The following STARD10 variants were observed in gnomAD, a reference collection of about 807,000 sequenced individuals.
STARD10 encodes the protein StAR related lipid transfer domain containing 10, also known as START domain-containing protein 10.
STARD10 carries 24 observed loss-of-function variants against 36.0 expected under a neutral mutation model. The ratio of observed to expected loss-of-function variants is 0.67; its 90% CI spans 0.48 to 0.94. The LOEUF is 0.94. Among genes scored for constraint, STARD10 ranks in the 40% least tolerant of loss-of-function variants. The pLI is 0.00. For synonymous variants in STARD10, 156 were observed against 161.9 expected (o/e 0.96, Z 0.28); for missense variants, 335 against 396.6 (o/e 0.84, Z 1.32).
chr11:72,758,195 C>T (rs1858670440), intron 4 of STARD10, among the ~76,000 whole-genome samples: 1 of 152,348 alleles, frequency 6.6e-6, no homozygotes, highest in South Asian at 2.1e-4. Flanking sequence ...CCTGCCTGTC[C>T]TTGCCCAGGG....
intron 2 of STARD10, among the ~76,000 whole-genome samples, chr11:72,774,588 C>CACGT (rs886261084): frequency 6.6e-6 from 1 of 152,258 alleles, no homozygotes; most frequent in African/African-American, 2.4e-5. Context: ...TCAAGCCCAA[C>CACGT]ACGTAGTCTG....
intron 2 of STARD10, among the ~76,000 whole-genome samples, chr11:72,761,325 C>T (rs1858713772): frequency 6.6e-6 from 1 of 152,170 alleles, no homozygotes; most frequent in South Asian, 2.1e-4. Context: ...AAGTGTGTCT[C>T]TGCATTGCAA....
intron 2 of STARD10, chr11:72,780,376 G>A (rs1292092317): frequency 2.3e-6 from 1 of 439,088 alleles, no homozygotes; most frequent in South Asian, 1.6e-5. Flanking sequence ...CTGTAGCCTG[G>A]CTCTGTGCAA....
At chr11:72,767,565 T>C (rs1858808908) in intron 2 of STARD10, among the ~76,000 whole-genome samples, 1 of 152,204 alleles carries the variant, frequency 6.6e-6, no homozygotes, top group South Asian at 2.1e-4. Flanking sequence ...CCCTGGCAAC[T>C]GGAGGCTGCC....
At chr11:72,777,681 G>A (rs1314615088) in intron 2 of STARD10, among the ~76,000 whole-genome samples, 1 of 152,248 alleles carries the variant, frequency 6.6e-6, no homozygotes, top group East Asian at 1.9e-4. Flanking sequence ...TGGAGGCCAG[G>A]AGGGAGGGAA....
At chr11:72,762,006 AC>A (rs1263888373) in intron 2 of STARD10, among the ~76,000 whole-genome samples, 1 of 139,858 alleles carries the variant, frequency 7.2e-6, no homozygotes, top group African/African-American at 2.7e-5. Context: ...GCTCACCGCA[AC>A]CTACGCCTCC....
In STARD10 at chr11:72,780,974, CCTTGAT is replaced by C; in HGVS notation, c.202_207del (p.Ile68_Lys69del). 1 of 1,614,152 alleles carries C rather than the reference CCTTGAT, an allele frequency of 6.2e-7. No individual in the cohort carries two copies. The highest frequency in any genetic ancestry group is 8.5e-7 in the Non-Finnish European group (1 of 1,179,998). On this transcript the variant is annotated inframe_deletion and splice_region_variant, in exon 2 of 7. Coordinates refer to ENST00000334805, the MANE Select transcript of STARD10 (RefSeq NM_006645.3). ...GCTGCAGGTATAGCGGGCAACCCTACCTTGATCTTGTGCAGCGTCCGATCCATCTCC... is the reference window on the plus strand; with the variant it reads ...GCTGCAGGTATAGCGGGCAACCCTACCTTGTGCAGCGTCCGATCCATCTCC...
At chr11:72,782,990 T>C (rs1265486518) in intron 1 of STARD10, among the ~76,000 whole-genome samples, 2 of 152,192 alleles carry the variant, frequency 1.3e-5, no homozygotes, top group African/African-American at 4.8e-5. Context: ...TCTCTGGTCC[T>C]TAGTTTTCCA....
rs199997207 is a variant in STARD10, at chr11:72,755,770, G to A, written c.578-17C>T. ...GTAAGGAGCCTGTGAGGGCAGGGAA[G>A]GGAGGAAGCAGCCTCAGGGACCCAG... On this transcript the variant is annotated splice_polypyrimidine_tract_variant and intron_variant, in intron 5 of 6. Coordinates refer to ENST00000334805, the MANE Select transcript of STARD10 (RefSeq NM_006645.3). The A allele has an allele frequency of 1.9e-6, 3 of 1,606,368 alleles. No homozygotes were observed. In the Admixed American group the frequency reaches 5.1e-5, roughly 27 times the overall value.
At chr11:72,769,571 T>C (rs1240733079) in intron 2 of STARD10, among the ~76,000 whole-genome samples, 1 of 152,110 alleles carries the variant, frequency 6.6e-6, no homozygotes, top group Non-Finnish European at 1.5e-5. Flanking sequence ...CTCAAATTCC[T>C]GGGCTTAAGC....
Position 72,754,843 on chromosome 11 carries a change from C to T in STARD10, c.*54G>A. On this transcript the variant is annotated 3_prime_UTR_variant, in exon 7 of 7. Coordinates refer to ENST00000334805, the MANE Select transcript of STARD10 (RefSeq NM_006645.3). The stretch of plus-strand genomic sequence containing the variant: ...GGGAGGGGAGAAAGTGCAGGAGCGG[C>T]CGCCGCCCCAGGGCTCGCCCGGTCC... 2 of 1,559,610 alleles carry T rather than the reference C, an allele frequency of 1.3e-6. No homozygotes were observed. Among genetic ancestry groups the T allele is most frequent in the South Asian group, 2.3e-5 (2 of 85,790 alleles).
intron 5 of STARD10, 106 bp downstream of exon 5, chr11:72,757,661 C>G: frequency 9.7e-7 from 1 of 1,029,092 alleles, no homozygotes; most frequent in Non-Finnish European, 1.5e-6. Context: ...CCCCAAAATG[C>G]AAAACAGCTC....
In STARD10 at chr11:72,768,783, C is replaced by CT. The variant is rs572681526; in HGVS notation, c.208-9403dup. 4.7e-4 allele frequency among the ~76,000 whole-genome samples: 71 copies of CT among 152,350 alleles called. 1 individual carries two copies. Among genetic ancestry groups the CT allele is most frequent in the Non-Finnish European group, 9.4e-4 (64 of 68,028 alleles). Reference sequence around the variant, plus strand: ...CATGCGTTGTCATGCATTCATTTGCCTGCAATGCTGTGGCCCCTTGCTCAT... The same window carrying CT: ...CATGCGTTGTCATGCATTCATTTGCCTTGCAATGCTGTGGCCCCTTGCTCAT... On this transcript the variant is annotated intron_variant, in intron 2 of 6. Transcript: ENST00000334805.
chr11:72,782,881 A>T (rs975227771), intron 1 of STARD10, among the ~76,000 whole-genome samples: 4 of 152,158 alleles, frequency 2.6e-5, no homozygotes, highest in Admixed American at 6.5e-5. Context: ...ATGAGCAACT[A>T]ACAGGGCCCA....
chr11:72,770,602 T>C (rs989488955), intron 2 of STARD10, among the ~76,000 whole-genome samples: 2 of 151,920 alleles, frequency 1.3e-5, no homozygotes, highest in Non-Finnish European at 2.9e-5. Flanking sequence ...CTCAGCTGAG[T>C]TGGGGCCTGA....
chr11:72,773,331 TG>T (rs1858888361), intron 2 of STARD10, among the ~76,000 whole-genome samples: 1 of 152,198 alleles, frequency 6.6e-6, no homozygotes, highest in South Asian at 2.1e-4. Context: ...ATGCTTGGAC[TG>T]GCCTTGATGC....
Position 72,761,907 on chromosome 11 carries a change from C to CTTT in STARD10, c.208-2529_208-2527dup, listed in dbSNP as rs1376362632. ...ATTTTGCTTGTCTGTATTTCTTTTT[C>CTTT]TTTTCTTTTCTTTTTTTTTTTTTTT... On this transcript the variant is annotated intron_variant, in intron 2 of 6. Coordinates refer to ENST00000334805, the MANE Select transcript of STARD10 (RefSeq NM_006645.3). Among the ~76,000 whole-genome samples, 273 of 87,652 alleles carry CTTT rather than the reference C, an allele frequency of 3.1e-3. 1 individual carries two copies. The highest frequency in any genetic ancestry group is 5.3e-3 in the Middle Eastern group (1 of 190). 57.5% of individuals were successfully genotyped at this position (87,652 alleles called of 152,430 possible).
intron 2 of STARD10, among the ~76,000 whole-genome samples, chr11:72,779,194 C>A (rs372413064): frequency 6.6e-6 from 1 of 152,216 alleles, no homozygotes; most frequent in Non-Finnish European, 1.5e-5. Flanking sequence ...GTGCACTGCC[C>A]GCCTGAAGCC....
At chr11:72,791,390 A>G (rs1042621676) in intron 1 of STARD10, among the ~76,000 whole-genome samples, 1 of 151,558 alleles carries the variant, frequency 6.6e-6, no homozygotes, top group African/African-American at 2.4e-5. Flanking sequence ...TTCTACCCCA[A>G]CTCCTTGTGT....
Sources: allele counts gnomAD v4.1 joint callset (sites outside exome capture counted in the v4.1 genomes callset), GRCh38; gene constraint gnomAD v4.1.1; transcripts MANE v1.5; gene names NCBI Gene and HGNC (gene_info 2026-07-23, HGNC 2026-07-21).